Variants in ARID1B observed in about 807,000 individuals in gnomAD.
ARID1B encodes the protein AT-rich interactive domain-containing protein 1B.
Under a neutral mutation model 212.3 loss-of-function variants are expected in ARID1B, and 30 were observed. The observed-to-expected ratio is 0.14, with a 90% CI of 0.11 to 0.19. The LOEUF (loss-of-function observed/expected upper bound fraction) is 0.19. Ranked by LOEUF, ARID1B falls within the 10% of genes least tolerant of loss-of-function variation. The pLI, the probability that ARID1B is intolerant of heterozygous loss-of-function variation, is 1.00. For missense variants in ARID1B, 2,891 were observed against 3,204.0 expected, an observed-to-expected ratio of 0.90 and a Z score of 2.36; for synonymous variants, 1,402 against 1,301.7, an observed-to-expected ratio of 1.08 and a Z score of -1.66.
intron 4 of ARID1B, among the ~76,000 whole-genome samples, chr6:157,053,361 C>T (rs533868909): frequency 3.0e-4 from 46 of 152,196 alleles, no homozygotes; most frequent in Admixed American, 5.9e-4. Flanking sequence ...TCTGGGATTA[C>T]AGGTGTGAGC....
chr6:157,095,422 A>G, intron 5 of ARID1B, among the ~76,000 whole-genome samples: 1 of 152,244 alleles, frequency 6.6e-6, no homozygotes, highest in East Asian at 1.9e-4. Context: ...AATTCTGAGG[A>G]AACCCTGGGG....
intron 6 of ARID1B, among the ~76,000 whole-genome samples, chr6:157,130,648 G>A (rs146142216): frequency 1.2e-3 from 186 of 152,292 alleles, no homozygotes; most frequent in African/African-American, 4.3e-3. Context: ...TTAAACAGAA[G>A]CAATGTTAGA....
chr6:156,888,251 G>A (rs756702267), intron 2 of ARID1B, among the ~76,000 whole-genome samples: 1 of 152,224 alleles, frequency 6.6e-6, no homozygotes, highest in Non-Finnish European at 1.5e-5. Context: ...CAGAAGGGCA[G>A]ATAAGCAAGA....
At chr6:156,799,172 T>TGAATAATTAATAATATA (rs145936639) in intron 1 of ARID1B, among the ~76,000 whole-genome samples, 34,713 of 151,792 alleles carry the variant, frequency 0.23, 4,142 homozygotes, top group Non-Finnish European at 0.26. Flanking sequence ...TACTAAGTAT[T>TGAATAATTAATAATATA]GAATAATTAA....
At chr6:156,777,356 T>A (rs924326003), upstream of ARID1B, 11 of 151,378 alleles carry the variant, frequency 7.3e-5, no homozygotes, top group African/African-American at 2.7e-4. Flanking sequence ...TAATAGTTGC[T>A]CGAGCTCGCC....
At chr6:157,161,221 C>A (rs1217377073) in intron 8 of ARID1B, among the ~76,000 whole-genome samples, 1 of 152,056 alleles carries the variant, frequency 6.6e-6, no homozygotes, top group Non-Finnish European at 1.5e-5. Flanking sequence ...AATAAAGGCA[C>A]TTCTATTCTA....
intron 6 of ARID1B, among the ~76,000 whole-genome samples, chr6:157,117,981 C>T (rs1394875880): frequency 6.6e-6 from 1 of 152,292 alleles, no homozygotes; most frequent in Non-Finnish European, 1.5e-5. Context: ...GCTGAGTCCC[C>T]TCCCCAACCC....
chr6:157,157,703 T>G (rs1196322325), intron 8 of ARID1B, among the ~76,000 whole-genome samples: 1 of 152,142 alleles, frequency 6.6e-6, no homozygotes, highest in East Asian at 1.9e-4. Flanking sequence ...TATTTTGAAC[T>G]CCATTTCTGC....
At chr6:156,994,999 G>A (rs1269284406) in intron 4 of ARID1B, among the ~76,000 whole-genome samples, 1 of 152,218 alleles carries the variant, frequency 6.6e-6, no homozygotes, top group Non-Finnish European at 1.5e-5. Flanking sequence ...CAAGACTTAG[G>A]TCTGAGCAGA....
chr6:157,075,582 A>G (rs935206944), intron 4 of ARID1B, among the ~76,000 whole-genome samples: 1 of 152,226 alleles, frequency 6.6e-6, no homozygotes, highest in South Asian at 2.1e-4. Flanking sequence ...TCATGAGTAG[A>G]GTATGGACAG....
chr6:157,175,071 A>G, intron 11 of ARID1B, 66 bp downstream of exon 11: 1 of 1,218,230 alleles, frequency 8.2e-7, no homozygotes, highest in East Asian at 2.9e-5. Context: ...TTGATAATTA[A>G]TTAATTCTAC....
At chr6:157,022,313 T>G (rs752166116) in intron 4 of ARID1B, 2 of 152,246 alleles carry the variant, frequency 1.3e-5, no homozygotes, top group Non-Finnish European at 2.9e-5. Context: ...TGGAGCCAAG[T>G]GCATGCTCAT....
chr6:156,815,793 T>G (rs1315430175), intron 1 of ARID1B, among the ~76,000 whole-genome samples: 2 of 152,224 alleles, frequency 1.3e-5, no homozygotes, highest in African/African-American at 4.8e-5. Context: ...GTAAGCTCTA[T>G]CTATCTTTAT....
At chr6:156,884,043 T>TAA (rs1055597487) in intron 2 of ARID1B, among the ~76,000 whole-genome samples, 18 of 152,232 alleles carry the variant, frequency 1.2e-4, no homozygotes, top group Non-Finnish European at 2.2e-4. Flanking sequence ...CAGTGTTTTC[T>TAA]AAACTGCTGA....
intron 17 of ARID1B, 61 bp downstream of exon 17, chr6:157,198,968 T>C: frequency 7.5e-7 from 1 of 1,324,602 alleles, no homozygotes; most frequent in South Asian, 1.4e-5. Context: ...AGGCTAAAAC[T>C]CAAACTTGTC....
intron 1 of ARID1B, among the ~76,000 whole-genome samples, chr6:156,812,841 A>G (rs1227072261): frequency 1.4e-5 from 2 of 144,742 alleles, no homozygotes; most frequent in Non-Finnish European, 3.0e-5. Flanking sequence ...AGTTGAGATT[A>G]TTTTATCAAG....
At chr6:156,799,033 C>A (rs906179294) in intron 1 of ARID1B, among the ~76,000 whole-genome samples, 7 of 152,120 alleles carry the variant, frequency 4.6e-5, no homozygotes, top group African/African-American at 1.2e-4. Flanking sequence ...TATAAAAAAA[C>A]CACTCTTTAA....
intron 4 of ARID1B, among the ~76,000 whole-genome samples, chr6:156,969,520 C>T (rs1320339047): frequency 2.0e-5 from 3 of 152,112 alleles, no homozygotes; most frequent in African/African-American, 7.2e-5. Flanking sequence ...GTAGACATGG[C>T]GAGCCACATT....
intron 4 of ARID1B, among the ~76,000 whole-genome samples, chr6:157,043,064 C>T (rs1781994598): frequency 6.6e-6 from 1 of 152,186 alleles, no homozygotes; most frequent in Non-Finnish European, 1.5e-5. Flanking sequence ...AGTATCTGAA[C>T]ATAAGATGTT....
Sources: allele counts gnomAD v4.1 joint callset (sites outside exome capture counted in the v4.1 genomes callset), GRCh38; gene constraint gnomAD v4.1.1; transcripts MANE v1.5; gene names NCBI Gene and HGNC (gene_info 2026-07-23, HGNC 2026-07-21).